The following MEI4 variants were observed in gnomAD, a reference collection of about 807,000 sequenced individuals.
The protein encoded by MEI4 is meiotic double-stranded break formation protein 4, also known as meiosis-specific protein MEI4.
MEI4 carries 27 observed loss-of-function variants against 31.4 expected under a neutral mutation model. The ratio of observed to expected loss-of-function variants is 0.86; its 90% confidence interval spans 0.63 to 1.19. The LOEUF (loss-of-function observed/expected upper bound fraction) is 1.19, where lower values mean the gene tolerates loss of function less well. Ranked by LOEUF, MEI4 falls within the 50% of genes most tolerant of loss-of-function variation. MEI4 has a pLI of 0.00. For synonymous variants in MEI4, 122 were observed against 145.4 expected (o/e 0.84, Z 1.16); for missense variants, 329 against 398.9 (o/e 0.82, Z 1.49).
chr6:77,806,413 G>A (rs183029009), intron 3 of MEI4, among the ~76,000 whole-genome samples: 1 of 152,216 alleles, frequency 6.6e-6, no homozygotes, highest in Admixed American at 6.5e-5. Flanking sequence ...GTGATAAACA[G>A]AGAATTTAAG....
chr6:77,689,466 C>T, intron 1 of MEI4, among the ~76,000 whole-genome samples: 1 of 151,988 alleles, frequency 6.6e-6, no homozygotes, highest in East Asian at 1.9e-4. Flanking sequence ...TGTACATTTT[C>T]AGTGCCAAAT....
At chr6:77,872,108 C>T (rs1351691093) in intron 4 of MEI4, among the ~76,000 whole-genome samples, 1 of 152,154 alleles carries the variant, frequency 6.6e-6, no homozygotes, top group Non-Finnish European at 1.5e-5. Flanking sequence ...ATTTCTTCAG[C>T]TCCCTTAAAT....
chr6:77,729,013 A>G (rs1172137256), intron 2 of MEI4, among the ~76,000 whole-genome samples: 3 of 152,214 alleles, frequency 2.0e-5, no homozygotes, highest in Non-Finnish European at 4.4e-5. Context: ...AGAACATGTA[A>G]GGCTCTACTT....
intron 2 of MEI4, among the ~76,000 whole-genome samples, chr6:77,754,360 A>T (rs1224832675): frequency 6.6e-6 from 1 of 152,212 alleles, no homozygotes; most frequent in Non-Finnish European, 1.5e-5. Context: ...AAGCATAGCA[A>T]GAGTTACTTT....
At chr6:77,710,539 A>AAG (rs33944085) in intron 2 of MEI4, among the ~76,000 whole-genome samples, 28,378 of 117,060 alleles carry the variant, frequency 0.24, 2,453 homozygotes, top group East Asian at 0.37. Context: ...AAAAAAAAAA[A>AAG]AAAGAAAAGG....
intron 3 of MEI4, among the ~76,000 whole-genome samples, chr6:77,782,374 T>G (rs1768615411): frequency 6.6e-6 from 1 of 152,156 alleles, no homozygotes; most frequent in Non-Finnish European, 1.5e-5. Context: ...CTCACAGCTT[T>G]TAAAGTGACT....
intron 4 of MEI4, among the ~76,000 whole-genome samples, chr6:77,862,316 C>T (rs1770887987): frequency 6.6e-6 from 1 of 152,208 alleles, no homozygotes; most frequent in Admixed American, 6.5e-5. Flanking sequence ...AGGGAATTCC[C>T]TTTCCTAGTC....
intron 2 of MEI4, among the ~76,000 whole-genome samples, chr6:77,736,475 G>A (rs1179126301): frequency 6.6e-6 from 1 of 152,076 alleles, no homozygotes; most frequent in East Asian, 1.9e-4. Flanking sequence ...GTGAGGCAAT[G>A]CCTCGCCCTG....
chr6:77,825,078 ATTC>A (rs964601947), intron 3 of MEI4, among the ~76,000 whole-genome samples: 6 of 152,054 alleles, frequency 3.9e-5, no homozygotes, highest in African/African-American at 1.4e-4. Context: ...TTTTCATTAT[ATTC>A]TTATAATTTG....
chr6:77,682,210 C>T (rs186613537), intron 1 of MEI4, among the ~76,000 whole-genome samples: 3 of 152,298 alleles, frequency 2.0e-5, no homozygotes, highest in East Asian at 1.9e-4. Context: ...CCTGCACTCA[C>T]GTGTTGCCTT....
chr6:77,685,925 G>A (rs1769046199), intron 1 of MEI4, among the ~76,000 whole-genome samples: 2 of 152,148 alleles, frequency 1.3e-5, no homozygotes, highest in African/African-American at 4.8e-5. Flanking sequence ...ATGTTGGAAT[G>A]TGATCTTCAA....
At chr6:77,757,047 A>C (rs1361198752) in intron 2 of MEI4, among the ~76,000 whole-genome samples, 1 of 152,200 alleles carries the variant, frequency 6.6e-6, no homozygotes, top group Non-Finnish European at 1.5e-5. Context: ...TTGGAAGGTG[A>C]TTGGACTTGG....
intron 3 of MEI4, among the ~76,000 whole-genome samples, chr6:77,816,901 C>T (rs1370581980): frequency 6.6e-6 from 1 of 152,006 alleles, no homozygotes; most frequent in Admixed American, 6.6e-5. Context: ...TAGTAACTTG[C>T]AGGGCTTTGC....
At chr6:77,923,028 T>C in intron 4 of MEI4, 61 bp from the exon 5 acceptor site, 3 of 1,028,608 alleles carry the variant, frequency 2.9e-6, no homozygotes, top group Non-Finnish European at 3.7e-6. Context: ...TATCTTTATA[T>C]GACATTTTTC....
At position 77,793,563 on chromosome 6, in the gene MEI4, CAAATAT is replaced by C. The variant is rs201462000; in HGVS notation, c.768+31901_768+31906del. 5.9e-3 allele frequency among the ~76,000 whole-genome samples: 894 copies of C among 152,056 alleles called. 11 individuals are homozygous for C. The highest frequency in any genetic ancestry group is 0.021 in the African/African-American group (859 of 41,474). On this transcript the variant is annotated intron_variant, in intron 3 of 4. Transcript: ENST00000684080. ...TATAAAAATTAAAAGAGAAAATTGTCAAATATAATTATAGCTGTAATTTGTTAATGG... is the reference window on the plus strand; with the variant it reads ...TATAAAAATTAAAAGAGAAAATTGTCAATTATAGCTGTAATTTGTTAATGG...
At chr6:77,753,879 AAG>A (rs1767846396) in intron 2 of MEI4, among the ~76,000 whole-genome samples, 1 of 152,200 alleles carries the variant, frequency 6.6e-6, no homozygotes, top group South Asian at 2.1e-4. Context: ...AGACTGGACA[AAG>A]AAAATGTGGC....
intron 2 of MEI4, among the ~76,000 whole-genome samples, chr6:77,752,644 T>A (rs1351339544): frequency 6.6e-6 from 1 of 152,144 alleles, no homozygotes; most frequent in Non-Finnish European, 1.5e-5. Flanking sequence ...CCATGCTCAT[T>A]GATAGGAAGA....
At position 77,920,228 on chromosome 6, in the gene MEI4, A is replaced by G. The variant is rs1340030788; in HGVS notation, c.901-2861A>G. Among the ~76,000 whole-genome samples, 6 of 152,126 alleles carry G rather than the reference A, an allele frequency of 3.9e-5. No homozygotes were observed. In the East Asian group the frequency reaches 1.2e-3, roughly 29 times the overall value. The stretch of plus-strand genomic sequence containing the variant: ...GAATTTTAGACCAATATCCTTGATG[A>G]ACATTGATGCAAAAATCCTCAACAA... On this transcript the variant is annotated intron_variant, in intron 4 of 4. Coordinates refer to ENST00000684080, the MANE Select transcript of MEI4 (RefSeq NM_001322247.2).
intron 2 of MEI4, among the ~76,000 whole-genome samples, chr6:77,730,072 C>A (rs1253325655): frequency 6.6e-6 from 1 of 151,944 alleles, no homozygotes; most frequent in African/African-American, 2.4e-5. Flanking sequence ...CAGGCAAATT[C>A]TCTTGGAGAA....
Sources: gnomAD v4.1 joint callset for allele counts (sites outside exome capture counted in the v4.1 genomes callset) on GRCh38, gnomAD v4.1.1 for gene constraint, MANE v1.5 for transcripts, NCBI Gene and HGNC (gene_info 2026-07-23, HGNC 2026-07-21) for gene names.